Variants in LRP12 observed in about 807,000 individuals in gnomAD.
LRP12 encodes low-density lipoprotein receptor-related protein 12.
LRP12 carries 14 observed loss-of-function variants against 66.0 expected under a neutral mutation model. The observed-to-expected ratio is 0.21, with a 90% CI of 0.14 to 0.33. The LOEUF (loss-of-function observed/expected upper bound fraction) is 0.33, where lower values mean the gene tolerates loss of function less well. LRP12 is among the 10% of genes least tolerant of loss of function. The pLI is 1.00. For synonymous variants in LRP12, 357 were observed against 359.1 expected, an observed-to-expected ratio of 0.99 and a Z score of 0.07; for missense variants, 889 against 1,053.4, an observed-to-expected ratio of 0.84 and a Z score of 2.16.
At chr8:104,570,960 A>G (rs528734939) in intron 1 of LRP12, among the ~76,000 whole-genome samples, 1 of 152,348 alleles carries the variant, frequency 6.6e-6, no homozygotes, top group South Asian at 2.1e-4. Context: ...GAAGTATATG[A>G]GAAGATGTTC....
intron 1 of LRP12, among the ~76,000 whole-genome samples, chr8:104,556,027 G>A (rs1457498675): frequency 6.6e-6 from 1 of 152,028 alleles, no homozygotes; most frequent in African/African-American, 2.4e-5. Context: ...CCATGCAAAT[G>A]GATGGAAATT....
chr8:104,565,193 A>G (rs1206456381), intron 1 of LRP12, among the ~76,000 whole-genome samples: 1 of 152,218 alleles, frequency 6.6e-6, no homozygotes, highest in Non-Finnish European at 1.5e-5. Context: ...TAATAAATAC[A>G]TATGTGTGCA....
chr8:104,581,454 T>A (rs1206132896), intron 1 of LRP12, among the ~76,000 whole-genome samples: 2 of 151,880 alleles, frequency 1.3e-5, no homozygotes, highest in Non-Finnish European at 2.9e-5. Context: ...CCCCATGTAA[T>A]AATTGTGTAC....
At position 104,497,252 on chromosome 8, in the gene LRP12, T is replaced by C; in HGVS notation, c.1300A>G (p.Asn434Asp). 2 of 1,614,144 alleles carry C rather than the reference T, an allele frequency of 1.2e-6. No homozygotes were observed. Among genetic ancestry groups the C allele is most frequent in the Non-Finnish European group, 1.7e-6 (2 of 1,180,024 alleles). ...GVCYPRSDRC[N>D]YQNHCPNGSD... Reference sequence around the variant, plus strand: ...CCATTTGGGCAATGATTCTGGTAGTTGCAGCGATCAGAACGAGGATAACAG... The same window carrying C: ...CCATTTGGGCAATGATTCTGGTAGTCGCAGCGATCAGAACGAGGATAACAG... The change falls in exon 5 of 7, where the codon AAC (asparagine) becomes GAC (aspartate). Residue 434 changes from asparagine to aspartate, a missense_variant. Asn to Asp is a conservative substitution (Grantham distance 23, BLOSUM62 1). This residue lies in a region of LRP12 where 800 missense variants were observed against 964.5 expected (regional missense o/e 0.83). Transcript: ENST00000276654. This position sits in a 1 kb window ranked among gnomAD's most constrained non-coding sequence, Gnocchi z 4.3.
Position 104,499,642 on chromosome 8 carries a change from G to A in LRP12, c.273-123C>T, listed in dbSNP as rs1404065742. 5.0e-6 allele frequency: 3 copies of A among 603,698 alleles called. No homozygotes were observed. The East Asian group carries it at 8.3e-5, about 17-fold the overall frequency. 37.4% of individuals were successfully genotyped at this position (603,698 alleles called of 1,614,324 possible). ...CTGACTGATTCTCCTGGGTTTTCTA[G>A]GCATACAACCGTATCATTAGCAAAT... On this transcript the variant is annotated intron_variant, in intron 3 of 6. Coordinates refer to ENST00000276654, the MANE Select transcript of LRP12 (RefSeq NM_013437.5).
At chr8:104,554,365 T>C (rs1415954938) in intron 1 of LRP12, among the ~76,000 whole-genome samples, 3 of 149,968 alleles carry the variant, frequency 2.0e-5, no homozygotes, top group Non-Finnish European at 3.0e-5. Flanking sequence ...AACTTTAAGA[T>C]TTTTTTTTTA....
At chr8:104,526,515 A>T (rs1296285258) in intron 2 of LRP12, among the ~76,000 whole-genome samples, 11 of 149,222 alleles carry the variant, frequency 7.4e-5, no homozygotes, top group African/African-American at 2.8e-4. Flanking sequence ...CAGAGCCCTC[A>T]GAAATAATGC....
rs566524126 is a variant in LRP12 at position 104,531,048 on chromosome 8, A to T, written c.136+859T>A. On this transcript the variant is annotated intron_variant, in intron 2 of 6. Transcript: ENST00000276654. ...AAGTCTATTAACTTTCTGAATACAA[A>T]GTCAGACATAAAACAAAAGAACAGG... Among the ~76,000 whole-genome samples the T allele has an allele frequency of 2.0e-5, 3 of 152,286 alleles. No homozygotes were observed. The East Asian group carries it at 5.8e-4, about 29-fold the overall frequency.
chr8:104,500,613 G>A (rs960366621), intron 3 of LRP12, among the ~76,000 whole-genome samples: 1 of 152,210 alleles, frequency 6.6e-6, no homozygotes, highest in African/African-American at 2.4e-5. Flanking sequence ...TGAGGCAGGA[G>A]AATCTCTTGA....
chr8:104,495,362 T>C lies in LRP12; in HGVS notation c.1581-153A>G, dbSNP rs570781704. The C allele has an allele frequency of 9.8e-6, 7 of 712,688 alleles. 1 individual carries two copies. The highest frequency in any genetic ancestry group is 7.1e-5 in the African/African-American group (4 of 56,612). 44.1% of individuals were successfully genotyped at this position (712,688 alleles called of 1,614,324 possible). On this transcript the variant is annotated intron_variant, in intron 5 of 6. Transcript: ENST00000276654. ...ACAAACATTTACTGAATATATGTAT[T>C]ATCCCTACAGTGGGAATACAAAGCT...
chr8:104,491,186 T>TA lies in LRP12; in HGVS notation c.2066dup (p.Gly690ArgfsTer18). The TA allele has an allele frequency of 1.2e-6, 2 of 1,614,132 alleles. No homozygotes were observed. The highest frequency in any genetic ancestry group is 8.5e-7 in the Non-Finnish European group (1 of 1,180,028). On this transcript the variant is annotated frameshift_variant, in exon 7 of 7. Coordinates refer to ENST00000276654, the MANE Select transcript of LRP12 (RefSeq NM_013437.5). LOFTEE classifies it high-confidence loss of function. ...GAGTTGAGGAACTTGCACATGCTCC[T>TA]ACTGTCGCTTCTACTGCCGTTGTGG...
intron 1 of LRP12, among the ~76,000 whole-genome samples, chr8:104,539,800 G>A (rs1811447697): frequency 6.6e-6 from 1 of 152,004 alleles, no homozygotes; most frequent in Admixed American, 6.6e-5. Context: ...AAATGAGGGA[G>A]GAGGGCTCAA....
intron 1 of LRP12, among the ~76,000 whole-genome samples, chr8:104,575,569 T>C (rs1159856515): frequency 6.6e-6 from 1 of 152,058 alleles, no homozygotes; most frequent in East Asian, 1.9e-4. Flanking sequence ...TGGATCCACC[T>C]TATACCACAA....
In LRP12 at chr8:104,499,406, G is replaced by T; in HGVS notation, c.386C>A (p.Pro129Gln). 1 of 1,613,466 alleles carries T rather than the reference G, an allele frequency of 6.2e-7. No homozygotes were observed. Among genetic ancestry groups the T allele is most frequent in the Non-Finnish European group, 8.5e-7 (1 of 1,179,544 alleles). The stretch of plus-strand genomic sequence containing the variant: ...GATGTGGTCTTGTGAAGAGATATAC[G>T]GAGGTGGAATTGTGGAACCACAAGC... ...YRACGSTIPP[P>Q]YISSQDHIWI... The change falls in exon 4 of 7, where the codon CCG (proline) becomes CAG (glutamine). Residue 129 changes from proline (P) to glutamine (Q), a missense_variant. Physicochemically the swap from Pro to Gln is moderately conservative, Grantham distance 76. Coordinates refer to ENST00000276654, the MANE Select transcript of LRP12 (RefSeq NM_013437.5).
rs1246325751 is a variant in LRP12, at chr8:104,588,846, G to C, written c.52C>G (p.Leu18Val). 2 of 1,612,628 alleles carry C rather than the reference G, an allele frequency of 1.2e-6. No homozygotes were observed. The highest frequency in any genetic ancestry group is 1.7e-5 in the Admixed American group (1 of 59,840). ...KESPRWRSAL[L>V]LLFLAGVYGN... ...TACACCCCAGCGAGGAAAAGCAAGA[G>C]CAACGCAGACCTCCACCGCGGAGAC... Residue 18 changes from leucine to valine, a missense_variant, in exon 1 of 7, where the codon CTC (leucine) becomes GTC (valine). Leu to Val is a conservative substitution (Grantham distance 32, BLOSUM62 1). Around this residue, in one of 3 missense-constraint regions of LRP12, gnomAD observed 88 missense variants for 72.5 expected, o/e 1.21. Transcript: ENST00000276654.
At position 104,496,394 on chromosome 8, in the gene LRP12, T is replaced by C. The variant is rs552241403; in HGVS notation, c.1580+578A>G. Among the ~76,000 whole-genome samples the C allele has an allele frequency of 2.0e-4, 31 of 152,298 alleles. No individual in the cohort carries two copies. In the Middle Eastern group the frequency reaches 0.01, roughly 50 times the overall value. ...TGCTTTAACAACACCTTTTCCCCTATCTATATTCTTCTACTCATACATTTC... is the reference window on the plus strand; with the variant it reads ...TGCTTTAACAACACCTTTTCCCCTACCTATATTCTTCTACTCATACATTTC... On this transcript the variant is annotated intron_variant, in intron 5 of 6. Coordinates refer to ENST00000276654, the MANE Select transcript of LRP12 (RefSeq NM_013437.5).
At chr8:104,518,249 G>A (rs902009644) in intron 2 of LRP12, among the ~76,000 whole-genome samples, 4 of 151,966 alleles carry the variant, frequency 2.6e-5, no homozygotes, top group Non-Finnish European at 4.4e-5. Context: ...AACACTTATT[G>A]AACTCTTATT....
rs541231279 is a variant in LRP12, at chr8:104,580,852, A to G, written c.79+7967T>C. 1.4e-4 allele frequency among the ~76,000 whole-genome samples: 21 copies of G among 152,368 alleles called. No individual in the cohort carries two copies. In the South Asian group the frequency reaches 1.7e-3, roughly 12 times the overall value. On this transcript the variant is annotated intron_variant, in intron 1 of 6. Transcript: ENST00000276654. ...TGTTGGGAGAAGTGTAATTAGTTCA[A>G]TCATTGTGGAAGACAACGTGGCGAC...
chr8:104,492,676 C>CA (rs1282008003), intron 6 of LRP12, among the ~76,000 whole-genome samples: 1 of 152,026 alleles, frequency 6.6e-6, no homozygotes, highest in Non-Finnish European at 1.5e-5. Context: ...TAGGCCCTTC[C>CA]ATAGTGCCAT....
Sources: allele counts gnomAD v4.1 joint callset (sites outside exome capture counted in the v4.1 genomes callset), GRCh38; gene constraint gnomAD v4.1.1; regional missense constraint gnomAD v4.1.1; non-coding constraint Gnocchi (gnomAD v3.1); transcripts MANE v1.5; gene names NCBI Gene and HGNC (gene_info 2026-07-23, HGNC 2026-07-21).